DPP10: variants seen among roughly 807,000 people sequenced by gnomAD.
DPP10 encodes the protein dipeptidyl peptidase like 10.
In DPP10, 33 loss-of-function variants were observed where a neutral mutation model predicts 120.9. The ratio of observed to expected loss-of-function variants is 0.27; its 90% CI spans 0.21 to 0.37. The LOEUF (loss-of-function observed/expected upper bound fraction) is 0.37, where lower values mean the gene tolerates loss of function less well. Among genes scored for constraint, DPP10 ranks in the 10% least tolerant of loss-of-function variants. DPP10 has a pLI of 1.00. For synonymous variants in DPP10, 337 were observed against 326.1 expected (o/e 1.03, Z -0.36); for missense variants, 816 against 942.8 (o/e 0.87, Z 1.76).
At chr2:115,463,171 T>A (rs2105090499) in intron 3 of DPP10, among the ~76,000 whole-genome samples, 1 of 152,288 alleles carries the variant, frequency 6.6e-6, no homozygotes, top group South Asian at 2.1e-4. Flanking sequence ...GACCAACTCT[T>A]CCTTATACCA....
chr2:115,207,837 G>A (rs770774223), intron 1 of DPP10, among the ~76,000 whole-genome samples: 2 of 152,096 alleles, frequency 1.3e-5, no homozygotes, highest in African/African-American at 2.4e-5. Context: ...CTTGGTGAAA[G>A]ATCACACAGT....
intron 1 of DPP10, among the ~76,000 whole-genome samples, chr2:114,878,609 G>C (rs1691350257): frequency 6.6e-6 from 1 of 151,996 alleles, no homozygotes; most frequent in Non-Finnish European, 1.5e-5. Flanking sequence ...CTAGACTCCA[G>C]TGTCTAACAT....
chr2:115,216,998 CAAAT>C (rs1233450762), intron 1 of DPP10, among the ~76,000 whole-genome samples: 2 of 152,006 alleles, frequency 1.3e-5, no homozygotes, highest in African/African-American at 4.8e-5. Context: ...GCACACACGT[CAAAT>C]AGATATGTGT....
chr2:115,375,280 C>T (rs1187457048), intron 3 of DPP10, among the ~76,000 whole-genome samples: 1 of 152,156 alleles, frequency 6.6e-6, no homozygotes, highest in African/African-American at 2.4e-5. Context: ...TTGAAAGTTT[C>T]ACAGATCCCT....
intron 1 of DPP10, among the ~76,000 whole-genome samples, chr2:114,550,687 T>C (rs1687813177): frequency 1.3e-5 from 2 of 152,238 alleles, no homozygotes; most frequent in African/African-American, 4.8e-5. Flanking sequence ...ACACAGTGTC[T>C]TTCATAAAAC....
intron 1 of DPP10, among the ~76,000 whole-genome samples, chr2:115,117,158 T>C (rs889209009): frequency 6.6e-6 from 1 of 152,352 alleles, no homozygotes; most frequent in African/African-American, 2.4e-5. Context: ...ACTCAATTAG[T>C]ATCTGGTGAT....
At chr2:114,840,346 A>C (rs572095906) in intron 1 of DPP10, among the ~76,000 whole-genome samples, 1 of 152,252 alleles carries the variant, frequency 6.6e-6, no homozygotes, top group South Asian at 2.1e-4. Context: ...AGAGCTAAGC[A>C]AATGGAGGGC....
chr2:114,542,166 ACCT>A (rs1033358562), intron 1 of DPP10, among the ~76,000 whole-genome samples: 2 of 149,524 alleles, frequency 1.3e-5, no homozygotes, highest in Non-Finnish European at 3.0e-5. Context: ...TTCTACCTTA[ACCT>A]CCTGAGTAGC....
intron 1 of DPP10, among the ~76,000 whole-genome samples, chr2:114,492,162 ATAT>A (rs936144346): frequency 6.6e-6 from 1 of 152,092 alleles, no homozygotes; most frequent in African/African-American, 2.4e-5. Context: ...CATACTCTAA[ATAT>A]TATTTTAAAA....
At chr2:115,563,615 A>T (rs950673918) in intron 5 of DPP10, among the ~76,000 whole-genome samples, 1 of 152,190 alleles carries the variant, frequency 6.6e-6, no homozygotes, top group Non-Finnish European at 1.5e-5. Flanking sequence ...TCTCTCTCAG[A>T]TAATTAAGAC....
chr2:115,841,577 A>G (rs1690150192), intron 25 of DPP10, among the ~76,000 whole-genome samples: 2 of 152,212 alleles, frequency 1.3e-5, no homozygotes, highest in South Asian at 4.1e-4. Context: ...AGATAAACAA[A>G]TGTCAGGTCA....
At chr2:115,593,633 A>C (rs1201939020) in intron 5 of DPP10, among the ~76,000 whole-genome samples, 1 of 152,214 alleles carries the variant, frequency 6.6e-6, no homozygotes, top group Non-Finnish European at 1.5e-5. Context: ...AATTCAGACT[A>C]AAATGTAGAG....
At chr2:114,930,881 G>C (rs1696018727) in intron 1 of DPP10, among the ~76,000 whole-genome samples, 1 of 152,172 alleles carries the variant, frequency 6.6e-6, no homozygotes, top group Admixed American at 6.5e-5. Flanking sequence ...AACTAATAGA[G>C]TGAGAACTTA....
At chr2:114,643,115 A>G (rs1025158518) in intron 1 of DPP10, among the ~76,000 whole-genome samples, 4 of 151,908 alleles carry the variant, frequency 2.6e-5, no homozygotes, top group African/African-American at 9.7e-5. Flanking sequence ...ATCATTTCAG[A>G]GCTGCTTCTA....
At chr2:115,626,237 T>C (rs2085348106) in intron 5 of DPP10, among the ~76,000 whole-genome samples, 2 of 151,910 alleles carry the variant, frequency 1.3e-5, no homozygotes, top group South Asian at 4.1e-4. Flanking sequence ...ACAAACAAAA[T>C]TAAAAGGATG....
At chr2:115,785,672 A>G (rs1683258246) in intron 17 of DPP10, among the ~76,000 whole-genome samples, 1 of 152,098 alleles carries the variant, frequency 6.6e-6, no homozygotes, top group South Asian at 2.1e-4. Flanking sequence ...CCATGGGGTC[A>G]GTGGTAATGT....
chr2:115,382,580 G>T lies in DPP10; in HGVS notation c.271+38668G>T, dbSNP rs75306526. On this transcript the variant is annotated intron_variant, in intron 3 of 25. Coordinates refer to ENST00000410059, the MANE Select transcript of DPP10 (RefSeq NM_020868.6). ...GTTCCTATTCGGCCATCTTCTAATAGTCTCTTTCCAGTGCTATCTCTGTGT... is the reference window on the plus strand; with the variant it reads ...GTTCCTATTCGGCCATCTTCTAATATTCTCTTTCCAGTGCTATCTCTGTGT... Among the ~76,000 whole-genome samples the T allele has an allele frequency of 5.2e-3, 795 of 152,038 alleles. 8 individuals are homozygous for T. The highest frequency in any genetic ancestry group is 0.018 in the African/African-American group (751 of 41,476).
intron 1 of DPP10, among the ~76,000 whole-genome samples, chr2:114,895,422 T>C (rs184702005): frequency 6.6e-6 from 1 of 152,288 alleles, no homozygotes; most frequent in East Asian, 1.9e-4. Context: ...CCACGTGACT[T>C]GAGTGTTGTC....
intron 1 of DPP10, among the ~76,000 whole-genome samples, chr2:114,545,482 G>A (rs529827644): frequency 2.4e-4 from 36 of 152,256 alleles, no homozygotes; most frequent in Admixed American, 6.5e-4. Flanking sequence ...CTGTTGAGGA[G>A]AAAAAGTTGG....
Sources: allele counts gnomAD v4.1 joint callset (sites outside exome capture counted in the v4.1 genomes callset), GRCh38; gene constraint gnomAD v4.1.1; transcripts MANE v1.5; gene names NCBI Gene and HGNC (gene_info 2026-07-23, HGNC 2026-07-21).